The following IFT88 variants were observed in gnomAD, a reference collection of about 807,000 sequenced individuals.
The protein encoded by IFT88 is intraflagellar transport 88, also known as intraflagellar transport protein 88 homolog.
In IFT88, 74 loss-of-function variants were observed where a neutral mutation model predicts 119.5. The ratio of observed to expected loss-of-function variants is 0.62; its 90% CI spans 0.51 to 0.75. The LOEUF (loss-of-function observed/expected upper bound fraction) is 0.75. Ranked by LOEUF, IFT88 falls within the 30% of genes least tolerant of loss-of-function variation. The pLI is 0.00. For missense variants in IFT88, 961 were observed against 977.7 expected, an observed-to-expected ratio of 0.98 and a Z score of 0.23; for synonymous variants, 279 against 316.7, an observed-to-expected ratio of 0.88 and a Z score of 1.26.
intron 12 of IFT88, among the ~76,000 whole-genome samples, chr13:20,603,855 A>G (rs1202321477): frequency 6.6e-6 from 1 of 151,986 alleles, no homozygotes; most frequent in Non-Finnish European, 1.5e-5. Context: ...CCGTGATCAC[A>G]CCCCTGCACA....
At chr13:20,631,804 CTT>C (rs2048246581) in intron 16 of IFT88, 1 of 152,078 alleles carries the variant, frequency 6.6e-6, no homozygotes, top group African/African-American at 2.4e-5. Flanking sequence ...AGAGTCATTT[CTT>C]TTCACCAGAA....
chr13:20,575,569 A>G (rs2037225103), intron 2 of IFT88, among the ~76,000 whole-genome samples: 1 of 152,074 alleles, frequency 6.6e-6, no homozygotes, highest in Admixed American at 6.5e-5. Flanking sequence ...ATGGTTTAGC[A>G]TGATCTTCTT....
chr13:20,634,140 G>T (rs1474389275), intron 16 of IFT88, among the ~76,000 whole-genome samples: 1 of 152,184 alleles, frequency 6.6e-6, no homozygotes, highest in African/African-American at 2.4e-5. Flanking sequence ...GGTTCCATGA[G>T]AGCAAACCCC....
chr13:20,639,751 G>A (rs912492542), intron 17 of IFT88, among the ~76,000 whole-genome samples: 10 of 149,506 alleles, frequency 6.7e-5, no homozygotes, highest in Non-Finnish European at 1.5e-4. Flanking sequence ...TCTTTTATCA[G>A]AGAATTGTTT....
At chr13:20,634,960 C>T (rs1282850340) in intron 16 of IFT88, among the ~76,000 whole-genome samples, 1 of 122,240 alleles carries the variant, frequency 8.2e-6, no homozygotes, top group African/African-American at 3.1e-5. Context: ...TCCCCCCACC[C>T]CACAACAGGC....
At chr13:20,620,815 C>T (rs2139809242) in intron 14 of IFT88, among the ~76,000 whole-genome samples, 1 of 152,232 alleles carries the variant, frequency 6.6e-6, no homozygotes, top group Middle Eastern at 3.4e-3. Context: ...AGACGTGAGT[C>T]ACCACATCCA....
intron 24 of IFT88, among the ~76,000 whole-genome samples, chr13:20,677,891 G>A (rs755105964): frequency 9.2e-5 from 14 of 152,160 alleles, no homozygotes; most frequent in Non-Finnish European, 2.1e-4. Flanking sequence ...CACATTCAAA[G>A]GAATGGGCAG....
At chr13:20,685,158 G>A (rs747585556) in intron 24 of IFT88, among the ~76,000 whole-genome samples, 1 of 152,214 alleles carries the variant, frequency 6.6e-6, no homozygotes, top group Non-Finnish European at 1.5e-5. Flanking sequence ...CAGAGAAACA[G>A]GCCCTGGCTG....
At chr13:20,628,926 T>G (rs1453797039) in intron 15 of IFT88, among the ~76,000 whole-genome samples, 1 of 152,182 alleles carries the variant, frequency 6.6e-6, no homozygotes, top group Non-Finnish European at 1.5e-5. Flanking sequence ...ATTTAAAAAT[T>G]TAACACATTT....
At chr13:20,576,676 T>C (rs563772418) in intron 2 of IFT88, among the ~76,000 whole-genome samples, 14 of 152,340 alleles carry the variant, frequency 9.2e-5, no homozygotes, top group African/African-American at 2.6e-4. Flanking sequence ...ATGAGTTCAC[T>C]GTAGATGTCT....
Position 20,657,458 on chromosome 13 carries a change from G to A in IFT88, c.2068+1028G>A, listed in dbSNP as rs543047354. Among the ~76,000 whole-genome samples, 22 of 152,318 alleles carry A rather than the reference G, an allele frequency of 1.4e-4. No homozygotes were observed. In the South Asian group the frequency reaches 4.6e-3, roughly 32 times the overall value. On this transcript the variant is annotated intron_variant, in intron 22 of 25. Transcript: ENST00000351808. ...AGTTGTACAATTTTTACTGTTTTAT[G>A]TGGAAATATAAAGCAATTTATTGGG...
At chr13:20,651,097 T>G (rs1464134630) in intron 20 of IFT88, among the ~76,000 whole-genome samples, 1 of 152,072 alleles carries the variant, frequency 6.6e-6, no homozygotes, top group Non-Finnish European at 1.5e-5. Flanking sequence ...AATTTTAAAA[T>G]CAGGAAGCAT....
chr13:20,593,582 C>T (rs572934217), intron 7 of IFT88, among the ~76,000 whole-genome samples: 16 of 151,312 alleles, frequency 1.1e-4, no homozygotes, highest in Non-Finnish European at 1.5e-4. Flanking sequence ...TTTAGGCTTT[C>T]GTGTAAATTA....
chr13:20,586,017 C>A (rs1053183436), intron 3 of IFT88, among the ~76,000 whole-genome samples: 1 of 152,172 alleles, frequency 6.6e-6, no homozygotes, highest in African/African-American at 2.4e-5. Context: ...CTTAGTAAAT[C>A]AGTGAACTTT....
chr13:20,664,202 A>C (rs141957152), intron 23 of IFT88, among the ~76,000 whole-genome samples: 3 of 152,324 alleles, frequency 2.0e-5, no homozygotes, highest in African/African-American at 7.2e-5. Context: ...AAACCAATTC[A>C]GGTTTATGTG....
chr13:20,580,724 C>CTTTTTTTTTT (rs1162699940), intron 2 of IFT88, among the ~76,000 whole-genome samples: 3 of 122,738 alleles, frequency 2.4e-5, no homozygotes, highest in Non-Finnish European at 3.4e-5. Context: ...TTTCTTTTTT[C>CTTTTTTTTTT]TTTTTTTTTT....
chr13:20,587,395 C>G (rs1440846398), intron 3 of IFT88, among the ~76,000 whole-genome samples: 3 of 152,146 alleles, frequency 2.0e-5, no homozygotes, highest in Admixed American at 1.3e-4. Context: ...GTAGCTGAGA[C>G]TACAGGCGTG....
At chr13:20,636,515 T>C (rs755824870) in intron 16 of IFT88, among the ~76,000 whole-genome samples, 43 of 152,240 alleles carry the variant, frequency 2.8e-4, no homozygotes, top group Non-Finnish European at 5.4e-4. Context: ...GCATCCTACC[T>C]AGAAATCCCC....
chr13:20,643,640 A>G (rs376287601), intron 19 of IFT88, 35 bp downstream of exon 19: 18 of 1,481,086 alleles, frequency 1.2e-5, no homozygotes, highest in African/African-American at 4.2e-5. Context: ...TCTGTGTTTT[A>G]GCATTTTATG....
Sources: gnomAD v4.1 joint callset for allele counts (sites outside exome capture counted in the v4.1 genomes callset) on GRCh38, gnomAD v4.1.1 for gene constraint, MANE v1.5 for transcripts, NCBI Gene and HGNC (gene_info 2026-07-23, HGNC 2026-07-21) for gene names.